ZNF521: variants seen among roughly 807,000 people sequenced by gnomAD.
ZNF521 encodes the protein zinc finger protein 521, also known as LYST-interacting protein 3.
A neutral mutation model predicts 105.5 loss-of-function variants in ZNF521; 14 were observed. That is an observed-to-expected ratio of 0.13 (90% confidence interval 0.09 to 0.21). ZNF521 has a LOEUF of 0.21. Among genes scored for constraint, ZNF521 ranks in the 10% least tolerant of loss-of-function variants. ZNF521 has a pLI of 1.00. For synonymous variants in ZNF521, 635 were observed against 606.0 expected (o/e 1.05, Z -0.70); for missense variants, 1,233 against 1,629.7 (o/e 0.76, Z 4.19).
At chr18:25,238,583 T>C (rs948323562) in intron 3 of ZNF521, among the ~76,000 whole-genome samples, 1 of 152,162 alleles carries the variant, frequency 6.6e-6, no homozygotes, top group Non-Finnish European at 1.5e-5. Flanking sequence ...GTGGCCAGCT[T>C]TACTTTCCTC....
At chr18:25,244,653 G>A (rs181687543) in intron 3 of ZNF521, among the ~76,000 whole-genome samples, 21 of 152,234 alleles carry the variant, frequency 1.4e-4, no homozygotes, top group Admixed American at 7.2e-4. Context: ...TTGTTCCAGC[G>A]GTCTCTAACA....
chr18:25,222,562 C>T (rs534702927), intron 4 of ZNF521, among the ~76,000 whole-genome samples: 3 of 152,310 alleles, frequency 2.0e-5, no homozygotes, highest in South Asian at 4.1e-4. Flanking sequence ...AAATCACACA[C>T]ACAGACACAC....
intron 3 of ZNF521, among the ~76,000 whole-genome samples, chr18:25,307,519 A>G (rs189849942): frequency 6.6e-6 from 1 of 152,246 alleles, no homozygotes; most frequent in East Asian, 1.9e-4. Flanking sequence ...AATCAAATTT[A>G]AGCTCTTGGC....
chr18:25,209,584 T>C (rs1309873784), intron 4 of ZNF521, among the ~76,000 whole-genome samples: 1 of 152,210 alleles, frequency 6.6e-6, no homozygotes, highest in Non-Finnish European at 1.5e-5. Flanking sequence ...ACGAACTGCT[T>C]CTCAAGCTAC....
At chr18:25,180,962 A>AT (rs1452650731) in intron 5 of ZNF521, among the ~76,000 whole-genome samples, 2 of 152,146 alleles carry the variant, frequency 1.3e-5, no homozygotes, top group African/African-American at 4.8e-5. Context: ...CATGTAAGTG[A>AT]TTTTAACAGG....
At chr18:25,066,321 CA>C (rs2144103663) in intron 7 of ZNF521, among the ~76,000 whole-genome samples, 1 of 152,298 alleles carries the variant, frequency 6.6e-6, no homozygotes, top group East Asian at 1.9e-4. Context: ...GCTCCATCCT[CA>C]AGGGCTTGCC....
At chr18:25,340,032 A>G (rs1289263340) in intron 2 of ZNF521, among the ~76,000 whole-genome samples, 1 of 152,206 alleles carries the variant, frequency 6.6e-6, no homozygotes, top group Non-Finnish European at 1.5e-5. Context: ...GAAGGTGGCT[A>G]GTCAAACTAA....
At chr18:25,128,391 C>G (rs1406861776) in intron 5 of ZNF521, among the ~76,000 whole-genome samples, 1 of 151,912 alleles carries the variant, frequency 6.6e-6, no homozygotes, top group Admixed American at 6.6e-5. Context: ...AGCTTTCCCT[C>G]TAAGATCTGA....
intron 5 of ZNF521, among the ~76,000 whole-genome samples, chr18:25,144,078 AG>A: frequency 6.6e-6 from 1 of 152,284 alleles, no homozygotes; most frequent in East Asian, 1.9e-4. Context: ...ATTCATCATT[AG>A]GTATCTAGAG....
chr18:25,270,025 T>G (rs1183199170), intron 3 of ZNF521, among the ~76,000 whole-genome samples: 3 of 152,036 alleles, frequency 2.0e-5, no homozygotes, highest in Non-Finnish European at 4.4e-5. Context: ...CAAAAAAAGA[T>G]AGACCACTAC....
intron 7 of ZNF521, among the ~76,000 whole-genome samples, chr18:25,068,983 T>A (rs1201023717): frequency 6.6e-6 from 1 of 152,228 alleles, no homozygotes; most frequent in African/African-American, 2.4e-5. Flanking sequence ...TACCTAGTCC[T>A]CAAACATTAG....
At position 25,256,037 on chromosome 18, in the gene ZNF521, T is replaced by C. The variant is rs1385704150; in HGVS notation, c.221-28340A>G. 2.0e-5 allele frequency among the ~76,000 whole-genome samples: 3 copies of C among 148,106 alleles called. No individual in the cohort carries two copies. In the East Asian group the frequency reaches 5.8e-4, roughly 29 times the overall value. ...ATATATATGGTATATATATGGTATATATATGATATATATATATGTAAAATG... is the reference window on the plus strand; with the variant it reads ...ATATATATGGTATATATATGGTATACATATGATATATATATATGTAAAATG... On this transcript the variant is annotated intron_variant, in intron 3 of 7. Coordinates refer to ENST00000361524, the MANE Select transcript of ZNF521 (RefSeq NM_015461.3).
chr18:25,255,946 C>CAT (rs141025320), intron 3 of ZNF521, among the ~76,000 whole-genome samples: 285 of 142,404 alleles, frequency 2.0e-3, no homozygotes, highest in African/African-American at 5.3e-3. Flanking sequence ...ATATATATGG[C>CAT]ATATATATAT....
At chr18:25,310,715 TG>T (rs1912257658) in intron 3 of ZNF521, among the ~76,000 whole-genome samples, 2 of 152,182 alleles carry the variant, frequency 1.3e-5, no homozygotes, top group Non-Finnish European at 2.9e-5. Flanking sequence ...TTTGCCCATT[TG>T]TTGCATTGAC....
intron 3 of ZNF521, among the ~76,000 whole-genome samples, chr18:25,304,435 G>C (rs7233400): frequency 0.62 from 94,127 of 152,038 alleles, 30,148 homozygotes; most frequent in African/African-American, 0.8. Flanking sequence ...TTCCAGGTTA[G>C]TAACTGACTT....
chr18:25,261,633 C>T (rs1350167314), intron 3 of ZNF521, among the ~76,000 whole-genome samples: 2 of 152,008 alleles, frequency 1.3e-5, no homozygotes, highest in African/African-American at 4.8e-5. Flanking sequence ...TCCCTTCTCT[C>T]CTCTATTTTT....
chr18:25,342,650 G>T (rs576595559), intron 2 of ZNF521, among the ~76,000 whole-genome samples: 1 of 151,742 alleles, frequency 6.6e-6, no homozygotes, highest in South Asian at 2.1e-4. Context: ...GGATGGTCTC[G>T]ATCTCCTGAC....
intron 3 of ZNF521, among the ~76,000 whole-genome samples, chr18:25,275,859 C>T (rs1001879543): frequency 1.3e-5 from 2 of 152,076 alleles, no homozygotes; most frequent in African/African-American, 2.4e-5. Flanking sequence ...CACCAGCATA[C>T]GCAGTGATCC....
intron 5 of ZNF521, among the ~76,000 whole-genome samples, chr18:25,094,876 A>T (rs1360263789): frequency 6.6e-6 from 1 of 152,168 alleles, no homozygotes; most frequent in African/African-American, 2.4e-5. Flanking sequence ...AAAACATTCT[A>T]ACAACTGGTT....
Sources: gnomAD v4.1 joint callset for allele counts (sites outside exome capture counted in the v4.1 genomes callset) on GRCh38, gnomAD v4.1.1 for gene constraint, MANE v1.5 for transcripts, NCBI Gene and HGNC (gene_info 2026-07-23, HGNC 2026-07-21) for gene names.